TAF5: variants seen among roughly 807,000 people sequenced by gnomAD.
TAF5 encodes TATA-box binding protein associated factor 5, also known as transcription initiation factor TFIID subunit 5.
In TAF5, 20 loss-of-function variants were observed where a neutral mutation model predicts 80.9. That is an observed-to-expected ratio of 0.25 (90% CI 0.17 to 0.36). The LOEUF is 0.36. Among genes scored for constraint, TAF5 ranks in the 10% least tolerant of loss-of-function variants. The probability of loss-of-function intolerance (pLI) is 1.00; values close to 1 mark genes in which losing one functional copy is unlikely to be tolerated. For missense variants in TAF5, 863 were observed against 1,029.4 expected, an observed-to-expected ratio of 0.84 and a Z score of 2.21; for synonymous variants, 388 against 406.4, an observed-to-expected ratio of 0.95 and a Z score of 0.55.
At chr10:103,373,175 G>A (rs1262505169) in intron 1 of TAF5, among the ~76,000 whole-genome samples, 183 bp from the exon 2 acceptor site, 8 of 149,724 alleles carry the variant, frequency 5.3e-5, no homozygotes, top group Admixed American at 2.7e-4. Context: ...CCAGCCTGGC[G>A]ACAGAGCCAG....
chr10:103,384,613 A>T (rs1167542773), intron 7 of TAF5, among the ~76,000 whole-genome samples: 3 of 152,244 alleles, frequency 2.0e-5, no homozygotes, highest in Admixed American at 2.0e-4. Context: ...CCTGGGTGAT[A>T]AGAGCAAAAC....
chr10:103,383,407 T>C (rs760606812), intron 7 of TAF5, 40 bp downstream of exon 7: 3 of 1,530,426 alleles, frequency 2.0e-6, no homozygotes, highest in African/African-American at 2.9e-5. Context: ...TGCTATGTTA[T>C]ATTGAAATTA....
rs2093363192 is a variant in TAF5, at chr10:103,373,066, G to T, written c.560-292G>T. ...GAAAATATGAAAATTAGCTGGGCAT[G>T]GTGGCACACGCTTGTAGTCCCAGCT... is the stretch of plus-strand genomic sequence containing the variant. On this transcript the variant is annotated intron_variant, in intron 1 of 10. Transcript: ENST00000369839. 2.6e-5 allele frequency among the ~76,000 whole-genome samples: 4 copies of T among 151,962 alleles called. No individual in the cohort carries two copies. The South Asian group carries it at 8.3e-4, about 32-fold the overall frequency.
chr10:103,379,435 C>T (rs1564745086), intron 3 of TAF5, among the ~76,000 whole-genome samples, 173 bp from the exon 4 acceptor site: 1 of 152,172 alleles, frequency 6.6e-6, no homozygotes, highest in Non-Finnish European at 1.5e-5. Flanking sequence ...CCAATAAAAT[C>T]AGGGTTCTGT....
At chr10:103,373,094 T>C (rs2133624582) in intron 1 of TAF5, among the ~76,000 whole-genome samples, 1 of 151,260 alleles carries the variant, frequency 6.6e-6, no homozygotes, top group South Asian at 2.1e-4. Context: ...TCCCAGCTAC[T>C]TGGGAGGCCG....
At chr10:103,370,554 C>T (rs970035943) in intron 1 of TAF5, among the ~76,000 whole-genome samples, 23 of 152,016 alleles carry the variant, frequency 1.5e-4, no homozygotes, top group African/African-American at 5.3e-4. Flanking sequence ...GTCTCGATCT[C>T]CTGACCTTGT....
At chr10:103,386,878 T>G (rs1360501391) in intron 8 of TAF5, among the ~76,000 whole-genome samples, 1 of 151,880 alleles carries the variant, frequency 6.6e-6, no homozygotes, top group Non-Finnish European at 1.5e-5. Context: ...TTGGTCAGGC[T>G]GGTCTCGAAC....
intron 1 of TAF5, among the ~76,000 whole-genome samples, chr10:103,369,346 A>AT (rs11427664): frequency 0.96 from 145,421 of 151,058 alleles, 70,223 homozygotes; most frequent in East Asian, 1. Flanking sequence ...TAAAAGTTGA[A>AT]TTTTTTTTCT....
intron 8 of TAF5, among the ~76,000 whole-genome samples, chr10:103,386,177 G>A (rs752244553): frequency 3.3e-5 from 5 of 151,894 alleles, no homozygotes; most frequent in African/African-American, 4.8e-5. Flanking sequence ...AGTGGCTCAC[G>A]CCTGTAATCC....
chr10:103,382,881 C>CA (rs2093386242), intron 6 of TAF5, among the ~76,000 whole-genome samples: 2 of 152,120 alleles, frequency 1.3e-5, no homozygotes, highest in African/African-American at 4.8e-5. Flanking sequence ...CCTCTGGGCT[C>CA]AAGCAATCTG....
rs757807589 is a variant in TAF5 at position 103,373,513 on chromosome 10, C to T, written c.715C>T (p.Leu239Phe). 6.2e-7 allele frequency: 1 copy of T among 1,614,162 alleles called. No individual in the cohort carries two copies. Among genetic ancestry groups the T allele is most frequent in the Non-Finnish European group, 8.5e-7 (1 of 1,180,040 alleles). Residue 239 changes from leucine (L) to phenylalanine (F), a missense_variant, in exon 2 of 11, where the codon CTT (leucine) becomes TTT (phenylalanine). By Grantham distance (22) the Leu-to-Phe change is conservative (BLOSUM62 0). This residue lies in a region of TAF5 where 128 missense variants were observed against 232.2 expected (regional missense o/e 0.55). Transcript: ENST00000369839. ...CTGCCATCGGGCAGAGTTGTCCCAA[C>T]TTTTTTATCCTCTGTTTGTGCACAT... ...LDCHRAELSQ[L>F]FYPLFVHMYL...
chr10:103,373,320 T>G lies in TAF5; in HGVS notation c.560-38T>G, dbSNP rs201828356. 2.4e-5 allele frequency: 38 copies of G among 1,556,912 alleles called. No homozygotes were observed. The East Asian group carries it at 8.1e-4, about 33-fold the overall frequency. ...TACAGCCATAGTCACATGGTCATAA[T>G]AGGTCATTTTCTTAAAAGTTTTTTG... On this transcript the variant is annotated intron_variant, in intron 1 of 10. Coordinates refer to ENST00000369839, the MANE Select transcript of TAF5 (RefSeq NM_006951.5).
rs181845190 is a variant in TAF5 at position 103,369,462 on chromosome 10, G to C, written c.559+914G>C. Among the ~76,000 whole-genome samples the C allele has an allele frequency of 4.4e-3, 656 of 150,648 alleles. 5 individuals are homozygous for C. Among genetic ancestry groups the C allele is most frequent in the Admixed American group, 0.02 (298 of 15,126 alleles). On this transcript the variant is annotated intron_variant, in intron 1 of 10. Transcript: ENST00000369839. ...CAACCTCTGCCTCCCAGATTTAAGC[G>C]ATTCTCCTGCCTCAGCCTCCCGAAT...
chr10:103,369,638 C>T (rs1345099100), intron 1 of TAF5, among the ~76,000 whole-genome samples: 1 of 152,114 alleles, frequency 6.6e-6, no homozygotes, highest in Non-Finnish European at 1.5e-5. Context: ...GCTGGGATTA[C>T]AGGCATGAGC....
At chr10:103,368,694 T>G (rs560535711) in intron 1 of TAF5, 146 bp downstream of exon 1, 2 of 1,118,162 alleles carry the variant, frequency 1.8e-6, no homozygotes, top group East Asian at 6.0e-5. Flanking sequence ...CTTTCTCTAG[T>G]GCGCGGGCTG....
At position 103,383,256 on chromosome 10, in the gene TAF5, A is replaced by G. The variant is rs1211678062; in HGVS notation, c.1553A>G (p.Lys518Arg). The G allele has an allele frequency of 1.9e-6, 3 of 1,584,942 alleles. No individual in the cohort carries two copies. Among genetic ancestry groups the G allele is most frequent in the Non-Finnish European group, 2.6e-6 (3 of 1,171,944 alleles). ...KQASDLSLID[K>R]ESDDVLERIM... ...ATTTTAGATCTTAGTCTTATAGACAAAGAATCAGATGATGTCTTAGAAAGA... is the reference window on the plus strand; with the variant it reads ...ATTTTAGATCTTAGTCTTATAGACAGAGAATCAGATGATGTCTTAGAAAGA... Residue 518 changes from lysine to arginine, a missense_variant, in exon 7 of 11, where the codon AAA becomes AGA. Lys to Arg is a conservative substitution (Grantham distance 26). Coordinates refer to ENST00000369839, the MANE Select transcript of TAF5 (RefSeq NM_006951.5).
Position 103,379,864 on chromosome 10 carries a change from ACTCT to A in TAF5, c.1278-17_1278-14del. Reference sequence around the variant, plus strand: ...TGTTAATAGTCAAAAGGTAATTTTGACTCTCTTTTTCTTTCACAGAATCCCTCTT... The same window carrying A: ...TGTTAATAGTCAAAAGGTAATTTTGACTTTTTCTTTCACAGAATCCCTCTT... On this transcript the variant is annotated splice_polypyrimidine_tract_variant and intron_variant, in intron 4 of 10. Coordinates refer to ENST00000369839, the MANE Select transcript of TAF5 (RefSeq NM_006951.5). 1 of 1,606,448 alleles carries A rather than the reference ACTCT, an allele frequency of 6.2e-7. No individual in the cohort carries two copies. Among genetic ancestry groups the A allele is most frequent in the Non-Finnish European group, 8.5e-7 (1 of 1,177,752 alleles).
chr10:103,384,329 T>G (rs2093390587), intron 7 of TAF5, among the ~76,000 whole-genome samples: 2 of 152,250 alleles, frequency 1.3e-5, no homozygotes, highest in South Asian at 4.1e-4. Context: ...GTATATTACT[T>G]GGATAGATAA....
At chr10:103,375,680 A>G (rs1196349307) in intron 2 of TAF5, among the ~76,000 whole-genome samples, 2 of 152,236 alleles carry the variant, frequency 1.3e-5, no homozygotes, top group Middle Eastern at 3.4e-3. Flanking sequence ...AAGGAGCTCC[A>G]AATTTAATGG....
Sources: gnomAD v4.1 joint callset for allele counts (sites outside exome capture counted in the v4.1 genomes callset) on GRCh38, gnomAD v4.1.1 for gene constraint, gnomAD v4.1.1 regional missense constraint, MANE v1.5 for transcripts, NCBI Gene and HGNC (gene_info 2026-07-23, HGNC 2026-07-21) for gene names.